Variants in RHPN2 observed in about 807,000 individuals in gnomAD.
RHPN2 encodes the protein rhophilin-2.
Under a neutral mutation model 79.0 loss-of-function variants are expected in RHPN2, and 40 were observed. That is an observed-to-expected ratio of 0.51 (90% confidence interval 0.39 to 0.66). The LOEUF is 0.66. RHPN2 is among the 30% of genes least tolerant of loss of function. The probability of loss-of-function intolerance (pLI) is 0.00; values close to 1 mark genes in which losing one functional copy is unlikely to be tolerated. For synonymous variants in RHPN2, 285 were observed against 363.5 expected (o/e 0.78, Z 2.46); for missense variants, 686 against 883.5 (o/e 0.78, Z 2.83).
At chr19:33,028,389 TC>T (rs1176278104) in intron 2 of RHPN2, among the ~76,000 whole-genome samples, 2 of 152,120 alleles carry the variant, frequency 1.3e-5, no homozygotes, top group African/African-American at 4.8e-5. Flanking sequence ...AATCCTGGGC[TC>T]AAGCAATCTT....
intron 1 of RHPN2, 29 bp downstream of exon 1, chr19:33,064,755 T>TGGGGGCCCCCCC: frequency 2.8e-6 from 4 of 1,427,946 alleles, no homozygotes; most frequent in Non-Finnish European, 3.8e-6. Flanking sequence ...AGCCCGCAGG[T>TGGGGGCCCCCCC]CCCCGCCCGC....
At chr19:33,028,694 A>G (rs1329327660) in intron 2 of RHPN2, among the ~76,000 whole-genome samples, 1 of 152,202 alleles carries the variant, frequency 6.6e-6, no homozygotes, top group Non-Finnish European at 1.5e-5. Context: ...CATTCATTCA[A>G]TGCAACCTCA....
In RHPN2 at chr19:33,048,725, C is replaced by CAAAAAAAAAAAA. The variant is rs58396784; in HGVS notation, c.70-4373_70-4362dup. 9.4e-3 allele frequency among the ~76,000 whole-genome samples: 588 copies of CAAAAAAAAAAAA among 62,588 alleles called. 62 individuals carry two copies. The highest frequency in any genetic ancestry group is 0.026 in the African/African-American group (373 of 14,104). 41.1% of individuals were successfully genotyped at this position (62,588 alleles called of 152,430 possible). On this transcript the variant is annotated intron_variant, in intron 1 of 14. Coordinates refer to ENST00000254260, the MANE Select transcript of RHPN2 (RefSeq NM_033103.5). The stretch of plus-strand genomic sequence containing the variant: ...TGGGTGACACAGCGAGACTCAGTCT[C>CAAAAAAAAAAAA]AAAAAAAAAAAAAAAAAAAACTTTA...
chr19:33,042,160 G>C (rs1057159067), intron 2 of RHPN2, among the ~76,000 whole-genome samples: 3 of 149,636 alleles, frequency 2.0e-5, no homozygotes, highest in African/African-American at 7.5e-5. Context: ...TTGCATTCCA[G>C]CCTGGGCAAC....
At chr19:33,055,960 G>A (rs950130137) in intron 1 of RHPN2, among the ~76,000 whole-genome samples, 1 of 151,978 alleles carries the variant, frequency 6.6e-6, no homozygotes, top group African/African-American at 2.4e-5. Flanking sequence ...AGGATGAAGA[G>A]GCAGAGATAA....
chr19:33,044,919 C>T (rs1972129998), intron 1 of RHPN2, among the ~76,000 whole-genome samples: 1 of 152,028 alleles, frequency 6.6e-6, no homozygotes, highest in Admixed American at 6.6e-5. Context: ...TAATTAAAGA[C>T]ATATCTCTAG....
chr19:33,011,582 C>T, intron 6 of RHPN2, 97 bp downstream of exon 6: 1 of 1,486,320 alleles, frequency 6.7e-7, no homozygotes, highest in Non-Finnish European at 9.4e-7. Context: ...GGCTGAGGTG[C>T]ACAGGGGCAC....
rs752220866 is a variant in RHPN2 at position 33,002,796 on chromosome 19, G to A, written c.948+17C>T. ...TCCTGCCCACTCCCCAAAGTCACAGGAACCAGGGAGTCCTACCTTAGCAGC... is the reference window on the plus strand; with the variant it reads ...TCCTGCCCACTCCCCAAAGTCACAGAAACCAGGGAGTCCTACCTTAGCAGC... On this transcript the variant is annotated intron_variant, in intron 8 of 14. Coordinates refer to ENST00000254260, the MANE Select transcript of RHPN2 (RefSeq NM_033103.5). The A allele has an allele frequency of 6.2e-6, 10 of 1,613,086 alleles. No individual in the cohort carries two copies. The African/African-American group carries it at 8.0e-5, about 13-fold the overall frequency.
At position 33,020,212 on chromosome 19, in the gene RHPN2, AC is replaced by A. The variant is rs531464792; in HGVS notation, c.390+1358del. Among the ~76,000 whole-genome samples, 354 of 152,286 alleles carry A rather than the reference AC, an allele frequency of 2.3e-3. 2 individuals carry two copies. The highest frequency in any genetic ancestry group is 8.2e-3 in the African/African-American group (341 of 41,572). ...ATACCCAGGAATGTGGCTGGGGGAC[AC>A]ACAAGCAAAGACTCTGGTTATTCAA... On this transcript the variant is annotated intron_variant, in intron 4 of 14. Transcript: ENST00000254260.
At chr19:33,059,205 C>A (rs7260051) in intron 1 of RHPN2, among the ~76,000 whole-genome samples, 62,265 of 151,588 alleles carry the variant, frequency 0.41, 16,178 homozygotes, top group African/African-American at 0.73. Context: ...TCTTCACCCC[C>A]CGCCTCGACT....
chr19:33,008,238 G>C, intron 6 of RHPN2, 58 bp from the exon 7 acceptor site: 1 of 1,427,904 alleles, frequency 7.0e-7, no homozygotes, highest in Non-Finnish European at 9.7e-7. Flanking sequence ...AATGCTACAA[G>C]TGGAAAAAAT....
At chr19:33,018,156 A>AAT (rs1302938108) in intron 4 of RHPN2, among the ~76,000 whole-genome samples, 2 of 151,634 alleles carry the variant, frequency 1.3e-5, no homozygotes, top group East Asian at 1.9e-4. Flanking sequence ...TCATCTCAAA[A>AAT]ATATATATAT....
intron 1 of RHPN2, among the ~76,000 whole-genome samples, chr19:33,053,525 G>A (rs1023205316): frequency 1.7e-4 from 26 of 150,188 alleles, no homozygotes; most frequent in African/African-American, 5.9e-4. Flanking sequence ...CTAGGTTCAA[G>A]CGATTCTCCT....
At chr19:32,987,451 C>G (rs1394184834) in intron 14 of RHPN2, among the ~76,000 whole-genome samples, 1 of 152,212 alleles carries the variant, frequency 6.6e-6, no homozygotes, top group African/African-American at 2.4e-5. Context: ...TCTTTTCATC[C>G]TGCTGCCAAA....
chr19:33,026,079 A>G (rs1971964150), intron 3 of RHPN2, among the ~76,000 whole-genome samples: 2 of 146,186 alleles, frequency 1.4e-5, no homozygotes, highest in Admixed American at 6.9e-5. Context: ...GAAACGTCCA[A>G]CTCCCGGGTT....
At chr19:33,006,419 C>T (rs1568313989) in intron 7 of RHPN2, among the ~76,000 whole-genome samples, 1 of 152,020 alleles carries the variant, frequency 6.6e-6, no homozygotes, top group Non-Finnish European at 1.5e-5. Context: ...CTGGTAGGAC[C>T]AATCATTATA....
chr19:33,011,594 C>A, intron 6 of RHPN2, 85 bp downstream of exon 6: 1 of 1,578,284 alleles, frequency 6.3e-7, no homozygotes, highest in South Asian at 1.1e-5. Flanking sequence ...CAGGGGCACC[C>A]GCAGAGGGGC....
rs568536776 is a variant in RHPN2 at position 32,993,117 on chromosome 19, C to T, written c.1497+860G>A. 3.3e-4 allele frequency among the ~76,000 whole-genome samples: 17 copies of T among 51,672 alleles called. No individual in the cohort carries two copies. The South Asian group carries it at 6.9e-3, about 21-fold the overall frequency. 33.9% of individuals were successfully genotyped at this position (51,672 alleles called of 152,430 possible). The stretch of plus-strand genomic sequence containing the variant: ...TAGGTGACACAGTGAGACCATGTCT[C>T]TAAAAAAACTAAAAAATATTTTTAA... On this transcript the variant is annotated intron_variant, in intron 12 of 14. Transcript: ENST00000254260.
chr19:33,035,435 C>G (rs1972048467), intron 2 of RHPN2, among the ~76,000 whole-genome samples: 1 of 152,180 alleles, frequency 6.6e-6, no homozygotes, highest in African/African-American at 2.4e-5. Flanking sequence ...TCCAACAAAT[C>G]AATGAGCTGC....
Sources: gnomAD v4.1 joint callset for allele counts (sites outside exome capture counted in the v4.1 genomes callset) on GRCh38, gnomAD v4.1.1 for gene constraint, MANE v1.5 for transcripts, NCBI Gene and HGNC (gene_info 2026-07-23, HGNC 2026-07-21) for gene names.